CNTN4: variants seen among roughly 807,000 people sequenced by gnomAD.
CNTN4 encodes the protein contactin-4.
In CNTN4, 77 loss-of-function variants were observed where a neutral mutation model predicts 122.5. The ratio of observed to expected loss-of-function variants is 0.63; its 90% CI spans 0.52 to 0.76. The LOEUF is 0.76. CNTN4 is among the 30% of genes least tolerant of loss of function. CNTN4 has a pLI of 0.00. For synonymous variants in CNTN4, 512 were observed against 447.0 expected (o/e 1.15, Z -1.83); for missense variants, 1,256 against 1,259.1 (o/e 1.00, Z 0.04).
intron 2 of CNTN4, among the ~76,000 whole-genome samples, chr3:2,193,483 G>T (rs568662346): frequency 6.6e-6 from 1 of 152,282 alleles, no homozygotes; most frequent in South Asian, 2.1e-4. Context: ...CTGGTTAAAG[G>T]ATACTGTAGT....
At position 2,854,747 on chromosome 3, in the gene CNTN4, T is replaced by C. The variant is rs745348200; in HGVS notation, c.455-12005T>C. Among the ~76,000 whole-genome samples the C allele has an allele frequency of 5.3e-5, 8 of 152,198 alleles. 1 individual carries two copies. Among genetic ancestry groups the C allele is most frequent in the Non-Finnish European group, 1.2e-4 (8 of 68,026 alleles). ...TTGTGTGGGAGTTGATTATATTACT[T>C]GAAAGCTTGCTCAGTCAGTCATATT... On this transcript the variant is annotated intron_variant, in intron 7 of 24. Transcript: ENST00000418658.
intron 4 of CNTN4, among the ~76,000 whole-genome samples, chr3:2,602,737 G>C (rs1284995851): frequency 6.6e-6 from 1 of 152,254 alleles, no homozygotes; most frequent in African/African-American, 2.4e-5. Context: ...TGTATAGATA[G>C]CTTCAGTTCA....
intron 2 of CNTN4, among the ~76,000 whole-genome samples, chr3:2,234,721 G>T (rs2039617487): frequency 6.6e-6 from 1 of 152,116 alleles, no homozygotes; most frequent in Non-Finnish European, 1.5e-5. Flanking sequence ...TCCAAAATAA[G>T]CTTGATCATT....
chr3:2,279,328 G>A (rs1340761268), intron 2 of CNTN4, among the ~76,000 whole-genome samples: 1 of 152,112 alleles, frequency 6.6e-6, no homozygotes, highest in Non-Finnish European at 1.5e-5. Flanking sequence ...CCAGTAGTCA[G>A]TCAGTTGTTA....
intron 6 of CNTN4, among the ~76,000 whole-genome samples, chr3:2,746,407 A>C (rs2149562866): frequency 6.6e-6 from 1 of 152,348 alleles, no homozygotes; most frequent in Non-Finnish European, 1.5e-5. Flanking sequence ...CCATGAATAT[A>C]TGAAAGAAAG....
intron 2 of CNTN4, among the ~76,000 whole-genome samples, chr3:2,224,020 T>TAG (rs933855518): frequency 2.6e-5 from 4 of 152,142 alleles, no homozygotes; most frequent in African/African-American, 7.2e-5. Flanking sequence ...GATATCTTCT[T>TAG]ATGCAGATAA....
At chr3:2,807,293 C>T (rs144933138) in intron 6 of CNTN4, among the ~76,000 whole-genome samples, 1 of 152,274 alleles carries the variant, frequency 6.6e-6, no homozygotes, top group East Asian at 1.9e-4. Context: ...GGAAACAGCA[C>T]CCATTGCAAA....
At chr3:2,375,848 T>G (rs957270193) in intron 3 of CNTN4, among the ~76,000 whole-genome samples, 1 of 152,148 alleles carries the variant, frequency 6.6e-6, no homozygotes, top group African/African-American at 2.4e-5. Context: ...TTGAAAATGT[T>G]AAATGCCTTG....
chr3:3,024,806 A>G (rs180821854), intron 14 of CNTN4, among the ~76,000 whole-genome samples: 2 of 152,292 alleles, frequency 1.3e-5, no homozygotes, highest in Admixed American at 1.3e-4. Context: ...ACTCACAAAA[A>G]TTCTCCTGTC....
intron 4 of CNTN4, among the ~76,000 whole-genome samples, chr3:2,651,690 A>G (rs1269696894): frequency 2.0e-5 from 3 of 149,084 alleles, no homozygotes; most frequent in Non-Finnish European, 3.0e-5. Context: ...CATCTCTACA[A>G]TTTTTTTTCT....
chr3:2,859,458 A>G (rs1396560184), intron 7 of CNTN4, among the ~76,000 whole-genome samples: 3 of 152,018 alleles, frequency 2.0e-5, no homozygotes, highest in African/African-American at 7.2e-5. Flanking sequence ...TCCACTTGTC[A>G]GTCTCAGTCT....
chr3:2,197,995 A>G (rs1266291582), intron 2 of CNTN4, among the ~76,000 whole-genome samples: 1 of 151,308 alleles, frequency 6.6e-6, no homozygotes, highest in East Asian at 2.0e-4. Flanking sequence ...CACCTGGGCA[A>G]CAGAGGAACA....
At chr3:2,153,275 GATTGCATGACTACATC>G (rs2035572765) in intron 2 of CNTN4, among the ~76,000 whole-genome samples, 1 of 152,192 alleles carries the variant, frequency 6.6e-6, no homozygotes, top group Non-Finnish European at 1.5e-5. Flanking sequence ...GGTGACCGAA[GATTGCATGACTACATC>G]ATTACAATGT....
intron 2 of CNTN4, among the ~76,000 whole-genome samples, chr3:2,318,728 C>G (rs867408355): frequency 2.1e-4 from 32 of 152,190 alleles, no homozygotes; most frequent in African/African-American, 7.5e-4. Context: ...CACCCTCCAC[C>G]TCCTGGGCTC....
chr3:2,788,072 C>T (rs909627790), intron 6 of CNTN4, among the ~76,000 whole-genome samples: 1 of 151,948 alleles, frequency 6.6e-6, no homozygotes. Flanking sequence ...TTACCGTGCC[C>T]GGCCTATAGT....
At chr3:2,480,752 T>G (rs577026603) in intron 3 of CNTN4, among the ~76,000 whole-genome samples, 2 of 152,242 alleles carry the variant, frequency 1.3e-5, no homozygotes, top group African/African-American at 4.8e-5. Context: ...TATGTACTTA[T>G]TGAGTCTAAA....
chr3:3,030,121 AG>A (rs1699040385), intron 15 of CNTN4, among the ~76,000 whole-genome samples: 1 of 152,222 alleles, frequency 6.6e-6, no homozygotes, highest in Non-Finnish European at 1.5e-5. Context: ...TCCAAGGTGT[AG>A]CAGTGTTCTT....
At chr3:2,183,598 GAC>G (rs774285090) in intron 2 of CNTN4, among the ~76,000 whole-genome samples, 38 of 152,266 alleles carry the variant, frequency 2.5e-4, no homozygotes, top group Non-Finnish European at 4.6e-4. Context: ...TTAGGCGAGA[GAC>G]AATAGAGAAT....
chr3:2,826,516 C>T (rs115120379), intron 7 of CNTN4, among the ~76,000 whole-genome samples: 2,273 of 152,254 alleles, frequency 0.015, 70 homozygotes, highest in African/African-American at 0.052. Context: ...GAGATAAAAG[C>T]GTGAAAGTAG....
Sources: allele counts gnomAD v4.1 joint callset (sites outside exome capture counted in the v4.1 genomes callset), GRCh38; gene constraint gnomAD v4.1.1; transcripts MANE v1.5; gene names NCBI Gene and HGNC (gene_info 2026-07-23, HGNC 2026-07-21).